Variants in NDEL1 observed in about 807,000 individuals in gnomAD.
NDEL1 encodes the protein nuclear distribution protein nudE-like 1.
NDEL1 carries 9 observed loss-of-function variants against 45.7 expected under a neutral mutation model. That is an observed-to-expected ratio of 0.20 (90% CI 0.12 to 0.34). The LOEUF is 0.34. Ranked by LOEUF, NDEL1 falls within the 10% of genes least tolerant of loss-of-function variation. NDEL1 has a pLI of 1.00. For synonymous variants in NDEL1, 133 were observed against 158.6 expected (o/e 0.84, Z 1.21); for missense variants, 306 against 406.2 (o/e 0.75, Z 2.12).
chr17:8,450,040 T>C (rs1296563816), intron 5 of NDEL1, among the ~76,000 whole-genome samples: 1 of 152,170 alleles, frequency 6.6e-6, no homozygotes, highest in East Asian at 1.9e-4. Context: ...TCTAGCACTT[T>C]GGGAGGCTGA....
chr17:8,445,900 TGA>T, intron 3 of NDEL1, 36 bp downstream of exon 3: 1 of 1,388,086 alleles, frequency 7.2e-7, no homozygotes, highest in Non-Finnish European at 9.4e-7. Flanking sequence ...TCTAATGTGT[TGA>T]GTTTTATTAA....
At chr17:8,447,390 A>T (rs891652784) in intron 4 of NDEL1, among the ~76,000 whole-genome samples, 30 of 152,052 alleles carry the variant, frequency 2.0e-4, no homozygotes, top group African/African-American at 7.2e-4. Flanking sequence ...TGATCTGCCC[A>T]CCTTGGCCTC....
At chr17:8,469,038 C>T (rs890238605), downstream of NDEL1, among the ~76,000 whole-genome samples, 9 of 152,146 alleles carry the variant, frequency 5.9e-5, no homozygotes, top group Admixed American at 5.2e-4. Context: ...TGAATAAGAA[C>T]TATTAAGTAG....
chr17:8,439,231 T>C (rs1012626218), intron 1 of NDEL1, among the ~76,000 whole-genome samples: 4 of 148,986 alleles, frequency 2.7e-5, no homozygotes, highest in African/African-American at 1.0e-4. Context: ...TGAGCCACTG[T>C]GCCCGGCCTT....
intron 1 of NDEL1, among the ~76,000 whole-genome samples, chr17:8,418,223 A>T (rs1020341587): frequency 3.9e-5 from 6 of 152,090 alleles, no homozygotes; most frequent in African/African-American, 1.2e-4. Context: ...TATACCTTTT[A>T]AAATTTTTGT....
intron 5 of NDEL1, among the ~76,000 whole-genome samples, chr17:8,449,788 A>T (rs1024878315): frequency 6.6e-6 from 1 of 152,202 alleles, no homozygotes; most frequent in African/African-American, 2.4e-5. Flanking sequence ...CTGTGGATGG[A>T]CATCGAGTTG....
At chr17:8,470,457 C>T (rs903999576), downstream of NDEL1, among the ~76,000 whole-genome samples, 2 of 152,166 alleles carry the variant, frequency 1.3e-5, no homozygotes, top group Non-Finnish European at 2.9e-5. This position sits in a 1 kb window ranked among gnomAD's most constrained non-coding sequence, Gnocchi z 4.2. Flanking sequence ...GCCAGCGCTC[C>T]ACTTCCTTCA....
intron 1 of NDEL1, among the ~76,000 whole-genome samples, chr17:8,442,388 T>C (rs1165054337): frequency 6.6e-6 from 1 of 151,776 alleles, no homozygotes; most frequent in Admixed American, 6.6e-5. Flanking sequence ...GAGGGAATAT[T>C]GAAAGGATGA....
chr17:8,447,982 C>CGGG (rs34891973), intron 4 of NDEL1, among the ~76,000 whole-genome samples: 15 of 107,796 alleles, frequency 1.4e-4, no homozygotes, highest in African/African-American at 5.3e-4. Context: ...GGGAGGTGGG[C>CGGG]GGGGGGGGGG....
chr17:8,454,743 C>G, intron 6 of NDEL1, 53 bp from the exon 7 acceptor site: 1 of 1,412,286 alleles, frequency 7.1e-7, no homozygotes, highest in Non-Finnish European at 9.9e-7. Flanking sequence ...ACAACAAAAC[C>G]CAAATGTAAA....
intron 2 of NDEL1, 58 bp downstream of exon 2, chr17:8,444,415 G>T (rs1909950780): frequency 2.6e-6 from 3 of 1,135,810 alleles, no homozygotes; most frequent in Non-Finnish European, 3.9e-6. Context: ...ACCGTGTCTT[G>T]TTTGTGCATT....
chr17:8,447,037 G>A (rs750973707), intron 4 of NDEL1, 135 bp downstream of exon 4: 3 of 1,070,146 alleles, frequency 2.8e-6, no homozygotes, highest in Non-Finnish European at 2.6e-6. Flanking sequence ...GTAACTCATC[G>A]GACGGAAGGG....
intron 1 of NDEL1, among the ~76,000 whole-genome samples, chr17:8,439,309 C>T (rs185883365): frequency 4.6e-5 from 7 of 151,304 alleles, no homozygotes; most frequent in African/African-American, 1.7e-4. Flanking sequence ...TGGCCAATCT[C>T]GGCTCACTGC....
At position 8,435,955 on chromosome 17, in the gene NDEL1, C is replaced by T. The variant is rs1244086721; in HGVS notation, c.-103C>T. On this transcript the variant is annotated 5_prime_UTR_variant, in exon 1 of 9. Coordinates refer to ENST00000334527, the MANE Select transcript of NDEL1 (RefSeq NM_030808.5). The stretch of plus-strand genomic sequence containing the variant: ...TGGAGCTCGGGGCTGCGTAGGGGAG[C>T]TGAGCCGAGCGGCTGGGCGGGCCTG... 1 of 448,312 alleles carries T rather than the reference C, an allele frequency of 2.2e-6. No homozygotes were observed. The allele number at this position is 448,312 out of a possible 1,614,324, so 27.8% of individuals were successfully genotyped here.
At chr17:8,420,500 T>C (rs191818951) in intron 1 of NDEL1, among the ~76,000 whole-genome samples, 2 of 152,356 alleles carry the variant, frequency 1.3e-5, no homozygotes, top group East Asian at 3.9e-4. Context: ...CAAAGTTCAA[T>C]TTGCATCTGG....
chr17:8,444,276 ATGG>A lies in NDEL1; in HGVS notation c.8_10del (p.Gly3del), dbSNP rs1359280403. 1 of 1,607,668 alleles carries A rather than the reference ATGG, an allele frequency of 6.2e-7. No homozygotes were observed. Among genetic ancestry groups the A allele is most frequent in the Admixed American group, 1.7e-5 (1 of 59,766 alleles). On this transcript the variant is annotated inframe_deletion, in exon 2 of 9. Transcript: ENST00000334527. Reference sequence around the variant, plus strand: ...ATTTCACAGGCTTTCTTGATCATGGATGGTGAAGATATACCAGATTTTTCAAGT... The same window carrying A: ...ATTTCACAGGCTTTCTTGATCATGGATGAAGATATACCAGATTTTTCAAGT...
chr17:8,428,906 C>T (rs1436576649), intron 1 of NDEL1, among the ~76,000 whole-genome samples: 1 of 152,232 alleles, frequency 6.6e-6, no homozygotes, highest in Non-Finnish European at 1.5e-5. Flanking sequence ...ATCTCCTGAC[C>T]TTGTGATCTG....
chr17:8,447,019 T>A (rs1031512288), intron 4 of NDEL1, 117 bp downstream of exon 4: 3 of 1,301,478 alleles, frequency 2.3e-6, no homozygotes, highest in African/African-American at 3.0e-5. Context: ...TGGTGTTTCA[T>A]GTCACCTGTA....
At chr17:8,439,496 C>T (rs544076789) in intron 1 of NDEL1, among the ~76,000 whole-genome samples, 60 of 151,848 alleles carry the variant, frequency 4.0e-4, no homozygotes, top group African/African-American at 1.3e-3. Flanking sequence ...TCAAGTGATC[C>T]GCCTGCCTCA....
Sources: allele counts gnomAD v4.1 joint callset (sites outside exome capture counted in the v4.1 genomes callset), GRCh38; gene constraint gnomAD v4.1.1; non-coding constraint Gnocchi (gnomAD v3.1); transcripts MANE v1.5; gene names NCBI Gene and HGNC (gene_info 2026-07-23, HGNC 2026-07-21).